The following SGCD variants were observed in gnomAD, a reference collection of about 807,000 sequenced individuals.
The protein encoded by SGCD is sarcoglycan delta, also known as delta-sarcoglycan.
In SGCD, 18 loss-of-function variants were observed where a neutral mutation model predicts 36.6. The ratio of observed to expected loss-of-function variants is 0.49; its 90% CI spans 0.34 to 0.73. The LOEUF is 0.73. Among genes scored for constraint, SGCD ranks in the 30% least tolerant of loss-of-function variants. The probability of loss-of-function intolerance (pLI) is 0.01; values close to 1 mark genes in which losing one functional copy is unlikely to be tolerated. For synonymous variants in SGCD, 133 were observed against 130.6 expected, an observed-to-expected ratio of 1.02 and a Z score of -0.12; for missense variants, 387 against 346.7, an observed-to-expected ratio of 1.12 and a Z score of -0.92.
intron 7 of SGCD, among the ~76,000 whole-genome samples, chr5:156,672,056 G>A (rs1219806550): frequency 6.6e-6 from 1 of 152,124 alleles, no homozygotes; most frequent in Non-Finnish European, 1.5e-5. Context: ...ATCACTGGGA[G>A]CCACATTTTA....
At chr5:156,043,470 C>G (rs540318552) in intron 1 of SGCD, among the ~76,000 whole-genome samples, 1 of 152,276 alleles carries the variant, frequency 6.6e-6, no homozygotes, top group Admixed American at 6.5e-5. Flanking sequence ...AATTTCACCT[C>G]TCTAGTGTCT....
chr5:155,769,383 A>C, the SGCD span, among the ~76,000 whole-genome samples: 1 of 151,784 alleles, frequency 6.6e-6, no homozygotes, highest in African/African-American at 2.4e-5. Context: ...AAAAAAAAAG[A>C]AAGAAAAAAG....
At chr5:155,790,213 A>T in the SGCD span, among the ~76,000 whole-genome samples, 1 of 152,052 alleles carries the variant, frequency 6.6e-6, no homozygotes, top group Non-Finnish European at 1.5e-5. Context: ...TGTTAATAAG[A>T]TGGAAAAATT....
At chr5:155,945,832 A>G (rs1450469746) in intron 1 of SGCD, among the ~76,000 whole-genome samples, 1 of 152,210 alleles carries the variant, frequency 6.6e-6, no homozygotes, top group Non-Finnish European at 1.5e-5. Flanking sequence ...ATTTAAAGGC[A>G]GGAGCGACTT....
intron 1 of SGCD, among the ~76,000 whole-genome samples, chr5:155,979,796 C>A (rs914657209): frequency 2.6e-5 from 4 of 152,168 alleles, no homozygotes; most frequent in African/African-American, 9.7e-5. Context: ...AGGGTTTGGG[C>A]AGTGCCCATC....
At chr5:155,788,775 A>G in the SGCD span, among the ~76,000 whole-genome samples, 3 of 152,206 alleles carry the variant, frequency 2.0e-5, no homozygotes. Context: ...GCAGAGGCAG[A>G]TAGGTGAACA....
intron 3 of SGCD, among the ~76,000 whole-genome samples, chr5:156,230,364 G>A (rs761743204): frequency 5.3e-5 from 8 of 152,104 alleles, no homozygotes; most frequent in African/African-American, 9.7e-5. Flanking sequence ...CTTTTGTCCC[G>A]CGGGGTATTC....
chr5:155,745,357 G>C, the SGCD span, among the ~76,000 whole-genome samples: 1 of 152,018 alleles, frequency 6.6e-6, no homozygotes, highest in African/African-American at 2.4e-5. Flanking sequence ...ACAAAATATT[G>C]GATAATAAAA....
At chr5:155,780,215 C>T in the SGCD span, among the ~76,000 whole-genome samples, 1 of 152,060 alleles carries the variant, frequency 6.6e-6, no homozygotes, top group Non-Finnish European at 1.5e-5. Flanking sequence ...CAAGTTCTTT[C>T]CCCTAAACAG....
At chr5:155,934,294 C>T (rs1156746799) in intron 1 of SGCD, among the ~76,000 whole-genome samples, 1 of 152,184 alleles carries the variant, frequency 6.6e-6, no homozygotes, top group Non-Finnish European at 1.5e-5. Flanking sequence ...CCTTGATGAG[C>T]AGCAAGCCGT....
chr5:156,358,942 A>T (rs2127728667), intron 3 of SGCD, among the ~76,000 whole-genome samples: 1 of 152,222 alleles, frequency 6.6e-6, no homozygotes, highest in African/African-American at 2.4e-5. Flanking sequence ...TTTCCATGCT[A>T]CCTTATGCTG....
chr5:156,018,391 AG>A (rs371108592), intron 1 of SGCD, among the ~76,000 whole-genome samples: 130 of 152,364 alleles, frequency 8.5e-4, no homozygotes, highest in Non-Finnish European at 5.7e-4. Context: ...TATTTTAAAA[AG>A]TACAGCATGT....
chr5:156,246,121 TG>T, intron 3 of SGCD, among the ~76,000 whole-genome samples: 1 of 152,326 alleles, frequency 6.6e-6, no homozygotes, highest in Admixed American at 6.5e-5. Context: ...CTCTATTGTC[TG>T]TAAGAGTGAG....
At chr5:156,517,093 T>G (rs746772860) in intron 4 of SGCD, among the ~76,000 whole-genome samples, 1 of 152,096 alleles carries the variant, frequency 6.6e-6, no homozygotes, top group African/African-American at 2.4e-5. Context: ...CTAAGAACCA[T>G]GATAAAACAT....
intron 1 of SGCD, among the ~76,000 whole-genome samples, chr5:156,081,391 C>T (rs1760947622): frequency 6.6e-6 from 1 of 152,028 alleles, no homozygotes; most frequent in African/African-American, 2.4e-5. Context: ...ATATTCAAAC[C>T]ATAGCACTTT....
At position 156,463,742 on chromosome 5, in the gene SGCD, C is replaced by T. The variant is rs745404321; in HGVS notation, c.193-44859C>T. Among the ~76,000 whole-genome samples the T allele has an allele frequency of 3.2e-4, 49 of 152,176 alleles. 2 individuals carry two copies. The highest frequency in any genetic ancestry group is 2.6e-4 in the Admixed American group (4 of 15,278). The stretch of plus-strand genomic sequence containing the variant: ...AGGTGCGGTGGTGCGTGCTAGTAAT[C>T]CCAACACTTTGGGAGGCCCAGACGG... On this transcript the variant is annotated intron_variant, in intron 3 of 8. Transcript: ENST00000337851.
At chr5:156,727,561 C>T (rs905810046) in intron 7 of SGCD, among the ~76,000 whole-genome samples, 1 of 152,130 alleles carries the variant, frequency 6.6e-6, no homozygotes, top group Non-Finnish European at 1.5e-5. Context: ...AAAAACTCAG[C>T]AGAAGTTGGC....
At chr5:155,804,341 T>A in the SGCD span, among the ~76,000 whole-genome samples, 2 of 152,218 alleles carry the variant, frequency 1.3e-5, no homozygotes, top group African/African-American at 4.8e-5. Flanking sequence ...CTTGTCCACA[T>A]TACCCTGTTA....
chr5:156,332,990 G>A (rs1379905884), intron 2 of SGCD, among the ~76,000 whole-genome samples: 1 of 152,140 alleles, frequency 6.6e-6, no homozygotes, highest in Non-Finnish European at 1.5e-5. Flanking sequence ...ATATCTACAT[G>A]AAAGCATGCA....
Sources: gnomAD v4.1 joint callset for allele counts (sites outside exome capture counted in the v4.1 genomes callset) on GRCh38, gnomAD v4.1.1 for gene constraint, MANE v1.5 for transcripts, NCBI Gene and HGNC (gene_info 2026-07-23, HGNC 2026-07-21) for gene names.